The following TLL2 variants were observed in gnomAD, a reference collection of about 807,000 sequenced individuals.
The protein encoded by TLL2 is tolloid like 2.
In TLL2, 106 loss-of-function variants were observed where a neutral mutation model predicts 123.0. The ratio of observed to expected loss-of-function variants is 0.86; its 90% confidence interval spans 0.74 to 1.01. TLL2 has a LOEUF of 1.01. Among genes scored for constraint, TLL2 ranks in the 50% least tolerant of loss-of-function variants. The pLI, the probability that TLL2 is intolerant of heterozygous loss-of-function variation, is 0.00. For synonymous variants in TLL2, 494 were observed against 516.8 expected (o/e 0.96, Z 0.60); for missense variants, 1,332 against 1,336.7 (o/e 1.00, Z 0.06).
At chr10:96,433,111 G>T in intron 3 of TLL2, 149 bp from the exon 4 acceptor site, 1 of 1,059,850 alleles carries the variant, frequency 9.4e-7, no homozygotes, top group Non-Finnish European at 1.3e-6. Flanking sequence ...GGAAGCCCTG[G>T]GTGGCAGTTT....
chr10:96,398,908 G>A (rs1846365433), intron 10 of TLL2, among the ~76,000 whole-genome samples: 1 of 117,654 alleles, frequency 8.5e-6, no homozygotes, highest in South Asian at 2.6e-4. Flanking sequence ...GTCTTGCTCT[G>A]TCACCCAGGC....
chr10:96,459,974 A>G (rs1412893694), intron 2 of TLL2, among the ~76,000 whole-genome samples: 1 of 149,944 alleles, frequency 6.7e-6, no homozygotes, highest in East Asian at 1.9e-4. Context: ...AACTCTACCA[A>G]AAAATAAATT....
intron 3 of TLL2, among the ~76,000 whole-genome samples, chr10:96,439,595 T>C (rs1225813224): frequency 6.6e-6 from 1 of 152,170 alleles, no homozygotes; most frequent in Admixed American, 6.5e-5. Flanking sequence ...TCATGGCCAT[T>C]CACCTTTCTT....
At chr10:96,403,092 G>A (rs1846411410) in intron 10 of TLL2, among the ~76,000 whole-genome samples, 1 of 152,118 alleles carries the variant, frequency 6.6e-6, no homozygotes, top group Non-Finnish European at 1.5e-5. Context: ...TACGAGTGAG[G>A]ACAATACACT....
rs1381415693 is a variant in TLL2, at chr10:96,435,024, CTTTTTTTTTTCTTTT to C, written c.365-2077_365-2063del. Among the ~76,000 whole-genome samples, 23 of 144,958 alleles carry C rather than the reference CTTTTTTTTTTCTTTT, an allele frequency of 1.6e-4. No homozygotes were observed. In the East Asian group the frequency reaches 4.6e-3, roughly 29 times the overall value. ...TCTATTCAAATTATTTATTCATTTCCTTTTTTTTTTCTTTTTTTTTTTTTTGAGACGGAGTCTTGC... is the reference window on the plus strand; with the variant it reads ...TCTATTCAAATTATTTATTCATTTCCTTTTTTTTTTGAGACGGAGTCTTGC... On this transcript the variant is annotated intron_variant, in intron 3 of 20. Coordinates refer to ENST00000357947, the MANE Select transcript of TLL2 (RefSeq NM_012465.4).
chr10:96,390,606 C>A (rs908150458), intron 13 of TLL2, among the ~76,000 whole-genome samples: 2 of 152,266 alleles, frequency 1.3e-5, no homozygotes, highest in African/African-American at 4.8e-5. Context: ...GCAAGAGCTT[C>A]TTTGGCTTGC....
chr10:96,468,858 A>G (rs1847153314), intron 2 of TLL2, among the ~76,000 whole-genome samples: 1 of 152,184 alleles, frequency 6.6e-6, no homozygotes, highest in African/African-American at 2.4e-5. Context: ...GCTTTTCCCA[A>G]CACTTCAAGT....
At chr10:96,490,294 T>C (rs1190231849) in intron 1 of TLL2, among the ~76,000 whole-genome samples, 3 of 152,210 alleles carry the variant, frequency 2.0e-5, no homozygotes, top group Non-Finnish European at 4.4e-5. Flanking sequence ...GTGCGTTTAA[T>C]ACACTTCAAT....
At chr10:96,496,358 A>G (rs1193360546) in intron 1 of TLL2, among the ~76,000 whole-genome samples, 3 of 152,158 alleles carry the variant, frequency 2.0e-5, no homozygotes, top group East Asian at 3.8e-4. Flanking sequence ...TCCATTACCC[A>G]TTTGTTCCAG....
chr10:96,400,357 C>CAAAAAAAAAAAAAA, intron 10 of TLL2, among the ~76,000 whole-genome samples: 1 of 109,894 alleles, frequency 9.1e-6, no homozygotes, highest in Non-Finnish European at 1.8e-5. Flanking sequence ...CTACTACCAT[C>CAAAAAAAAAAAAAA]AAAAAAAAAA....
chr10:96,480,540 G>A, intron 1 of TLL2, 81 bp from the exon 2 acceptor site: 5 of 1,108,426 alleles, frequency 4.5e-6, no homozygotes, highest in South Asian at 1.3e-5. Flanking sequence ...AAGGGCATTG[G>A]GTGTTGGGTG....
intron 10 of TLL2, among the ~76,000 whole-genome samples, chr10:96,400,375 A>G (rs866893399): frequency 6.6e-6 from 1 of 151,948 alleles, no homozygotes; most frequent in African/African-American, 2.4e-5. Context: ...AAAAAAAAAA[A>G]AAAAACAAAA....
intron 12 of TLL2, 120 bp from the exon 13 acceptor site, chr10:96,395,502 G>T: frequency 2.0e-6 from 2 of 999,002 alleles, no homozygotes; most frequent in African/African-American, 1.6e-5. Flanking sequence ...GGACCCAAGT[G>T]TGTCCCAGGT....
intron 7 of TLL2, among the ~76,000 whole-genome samples, chr10:96,419,113 C>T (rs1279855730): frequency 6.6e-6 from 1 of 152,126 alleles, no homozygotes; most frequent in African/African-American, 2.4e-5. Context: ...GATATTTGCA[C>T]ACTGCACTGG....
At chr10:96,511,405 G>T (rs1261712842) in intron 1 of TLL2, among the ~76,000 whole-genome samples, 3 of 152,144 alleles carry the variant, frequency 2.0e-5, no homozygotes, top group Non-Finnish European at 4.4e-5. Context: ...CCCTCTTCTG[G>T]CCACTCTTAG....
At chr10:96,502,959 G>A (rs1004760380) in intron 1 of TLL2, among the ~76,000 whole-genome samples, 1 of 152,168 alleles carries the variant, frequency 6.6e-6, no homozygotes, top group African/African-American at 2.4e-5. Flanking sequence ...GTGGTTAGAG[G>A]TGGCGTGATC....
At chr10:96,459,705 A>AAAAAATATATATATATAT (rs1847058581) in intron 2 of TLL2, among the ~76,000 whole-genome samples, 1 of 38,042 alleles carries the variant, frequency 2.6e-5, no homozygotes, top group Admixed American at 4.3e-4. Context: ...AAAAAAAAAA[A>AAAAAATATATATATATAT]ATATATATAT....
intron 7 of TLL2, among the ~76,000 whole-genome samples, chr10:96,415,147 C>T (rs1429325658): frequency 1.3e-5 from 2 of 152,204 alleles, no homozygotes; most frequent in Admixed American, 6.5e-5. Flanking sequence ...TGCTCACTGA[C>T]TTCTGCCTTC....
In TLL2 at chr10:96,445,221, A is replaced by T. The variant is rs547250453; in HGVS notation, c.364+870T>A. 2.9e-3 allele frequency among the ~76,000 whole-genome samples: 436 copies of T among 152,342 alleles called. 3 individuals are homozygous for T. Among genetic ancestry groups the T allele is most frequent in the Non-Finnish European group, 4.8e-3 (327 of 68,028 alleles). On this transcript the variant is annotated intron_variant, in intron 3 of 20. Coordinates refer to ENST00000357947, the MANE Select transcript of TLL2 (RefSeq NM_012465.4). ...AAAATTTTTCTTTTGCTTTGCTGTGAAGTTTGTGTAGAAGAAATACCACTG... is the reference window on the plus strand; with the variant it reads ...AAAATTTTTCTTTTGCTTTGCTGTGTAGTTTGTGTAGAAGAAATACCACTG...
Sources: gnomAD v4.1 joint callset for allele counts (sites outside exome capture counted in the v4.1 genomes callset) on GRCh38, gnomAD v4.1.1 for gene constraint, MANE v1.5 for transcripts, NCBI Gene and HGNC (gene_info 2026-07-23, HGNC 2026-07-21) for gene names.